The following KIF13B variants were observed in gnomAD, a reference collection of about 807,000 sequenced individuals.
KIF13B encodes the protein kinesin-like protein KIF13B.
In KIF13B, 127 loss-of-function variants were observed where a neutral mutation model predicts 222.0. The ratio of observed to expected loss-of-function variants is 0.57; its 90% CI spans 0.50 to 0.66. The LOEUF (loss-of-function observed/expected upper bound fraction) is 0.66. KIF13B is among the 30% of genes least tolerant of loss of function. KIF13B has a pLI of 0.00. For missense variants in KIF13B, 2,173 were observed against 2,379.0 expected (o/e 0.91, Z 1.80); for synonymous variants, 976 against 919.0 (o/e 1.06, Z -1.12).
At chr8:29,161,943 T>A (rs1032141897) in intron 12 of KIF13B, among the ~76,000 whole-genome samples, 1 of 152,086 alleles carries the variant, frequency 6.6e-6, no homozygotes, top group Non-Finnish European at 1.5e-5. Flanking sequence ...ACTCAAAACA[T>A]CAGTGTGGTG....
chr8:29,242,084 T>G (rs1815806934), intron 2 of KIF13B, among the ~76,000 whole-genome samples: 1 of 152,192 alleles, frequency 6.6e-6, no homozygotes, highest in Non-Finnish European at 1.5e-5. Flanking sequence ...AGGCAATGTT[T>G]TAAGTATACC....
chr8:29,071,771 A>G lies in KIF13B; in HGVS notation c.5067T>C (p.Ser1689=), dbSNP rs967919767. Residue 1689 remains serine, a synonymous_variant, in exon 39 of 40, where the codon TCT becomes TCC. Coordinates refer to ENST00000524189, the MANE Select transcript of KIF13B (RefSeq NM_015254.4). The surrounding 1 kb of genome is among the most constrained non-coding windows in gnomAD (Gnocchi z 4.9). Reference sequence around the variant, plus strand: ...GGACCTCGTCAGCTTCCTCGGAATCAGAGGCCAGGGCCTGTCCCCCGGCGC... The same window carrying G: ...GGACCTCGTCAGCTTCCTCGGAATCGGAGGCCAGGGCCTGTCCCCCGGCGC... ...APGAGGQALA[S]DSEEADEVPE... is the part of the protein sequence containing the mutation. 2.6e-5 allele frequency: 40 copies of G among 1,549,018 alleles called. No individual in the cohort carries two copies. Among genetic ancestry groups the G allele is most frequent in the Non-Finnish European group, 2.9e-5 (33 of 1,146,610 alleles).
At chr8:29,151,952 C>T (rs533233273) in intron 14 of KIF13B, among the ~76,000 whole-genome samples, 68 of 152,248 alleles carry the variant, frequency 4.5e-4, no homozygotes, top group African/African-American at 1.5e-3. Context: ...GGAAAGGATT[C>T]GCCATTCTAA....
chr8:29,090,248 C>A (rs1808233325), intron 37 of KIF13B, among the ~76,000 whole-genome samples: 2 of 152,168 alleles, frequency 1.3e-5, no homozygotes, highest in African/African-American at 4.8e-5. Context: ...GTGGGAGACA[C>A]TGGAAGGTGT....
chr8:29,227,906 G>A (rs1189307979), intron 2 of KIF13B, among the ~76,000 whole-genome samples: 2 of 152,042 alleles, frequency 1.3e-5, no homozygotes, highest in Non-Finnish European at 2.9e-5. Flanking sequence ...AGCCATGATA[G>A]TGCCACTGCA....
At chr8:29,169,762 A>G (rs1812156481) in intron 10 of KIF13B, among the ~76,000 whole-genome samples, 1 of 152,242 alleles carries the variant, frequency 6.6e-6, no homozygotes, top group South Asian at 2.1e-4. Context: ...AAATTCATGA[A>G]GAGTCCCATG....
intron 2 of KIF13B, among the ~76,000 whole-genome samples, chr8:29,239,726 G>A (rs185818347): frequency 7.9e-5 from 12 of 152,250 alleles, no homozygotes; most frequent in East Asian, 1.9e-4. Flanking sequence ...GCGGTGGCAC[G>A]ATCTTGGCTA....
intron 3 of KIF13B, among the ~76,000 whole-genome samples, chr8:29,192,978 G>A (rs2130360953): frequency 6.6e-6 from 1 of 152,270 alleles, no homozygotes; most frequent in African/African-American, 2.4e-5. Context: ...GCAGTTCTGG[G>A]AGGTACCAGA....
chr8:29,173,974 A>T (rs1353563555), intron 10 of KIF13B, among the ~76,000 whole-genome samples: 1 of 152,074 alleles, frequency 6.6e-6, no homozygotes, highest in Non-Finnish European at 1.5e-5. Flanking sequence ...TTGGTAATGA[A>T]ACGATTTAAA....
chr8:29,187,897 G>T (rs1813011627), intron 5 of KIF13B, among the ~76,000 whole-genome samples: 2 of 152,202 alleles, frequency 1.3e-5, no homozygotes, highest in African/African-American at 2.4e-5. Context: ...GAAGGGCAGA[G>T]AGGTTAAGTA....
chr8:29,197,416 G>A (rs1244060743), intron 2 of KIF13B, among the ~76,000 whole-genome samples: 1 of 151,298 alleles, frequency 6.6e-6, no homozygotes, highest in East Asian at 1.9e-4. Context: ...AGAGAAAAGT[G>A]GTAAAAAGTA....
intron 2 of KIF13B, among the ~76,000 whole-genome samples, chr8:29,244,829 C>T (rs1184768499): frequency 1.3e-5 from 2 of 152,142 alleles, no homozygotes; most frequent in African/African-American, 2.4e-5. Flanking sequence ...CCCCCAAAGA[C>T]ATTAAAATCC....
intron 2 of KIF13B, among the ~76,000 whole-genome samples, chr8:29,201,659 A>G (rs183292930): frequency 6.9e-4 from 105 of 152,332 alleles, no homozygotes; most frequent in African/African-American, 2.5e-3. Context: ...AGTTGCTGAA[A>G]TCTTCACAAC....
chr8:29,096,404 A>T (rs1808533030), intron 36 of KIF13B, among the ~76,000 whole-genome samples: 1 of 147,860 alleles, frequency 6.8e-6, no homozygotes, highest in African/African-American at 2.5e-5. Flanking sequence ...GGTTCAGGTA[A>T]TTCTCCCACT....
intron 3 of KIF13B, among the ~76,000 whole-genome samples, chr8:29,194,221 T>G (rs2130368975): frequency 6.6e-6 from 1 of 151,938 alleles, no homozygotes; most frequent in African/African-American, 2.4e-5. Context: ...AACCCACAGA[T>G]ACAGAAGGCC....
intron 15 of KIF13B, among the ~76,000 whole-genome samples, chr8:29,149,569 T>A (rs1261807977): frequency 6.6e-6 from 1 of 152,188 alleles, no homozygotes; most frequent in African/African-American, 2.4e-5. Flanking sequence ...AGAGGCAAAT[T>A]CTAGCAAAGG....
At chr8:29,232,179 C>T (rs1266438622) in intron 2 of KIF13B, among the ~76,000 whole-genome samples, 2 of 151,880 alleles carry the variant, frequency 1.3e-5, no homozygotes, top group East Asian at 3.9e-4. Flanking sequence ...ATCCCTTGAA[C>T]CTGGAAAGGT....
chr8:29,214,063 C>G (rs890619337), intron 2 of KIF13B, among the ~76,000 whole-genome samples: 2 of 152,184 alleles, frequency 1.3e-5, no homozygotes, highest in Non-Finnish European at 2.9e-5. Context: ...ATGCAGTTTG[C>G]AGGACTGGCC....
intron 3 of KIF13B, among the ~76,000 whole-genome samples, 159 bp from the exon 4 acceptor site, chr8:29,191,216 T>G (rs566960017): frequency 3.3e-5 from 5 of 152,324 alleles, no homozygotes; most frequent in Non-Finnish European, 5.9e-5. Flanking sequence ...CTAAACATGC[T>G]ATAGGTGATA....
Sources: gnomAD v4.1 joint callset for allele counts (sites outside exome capture counted in the v4.1 genomes callset) on GRCh38, gnomAD v4.1.1 for gene constraint, Gnocchi (gnomAD v3.1) non-coding constraint, MANE v1.5 for transcripts, NCBI Gene and HGNC (gene_info 2026-07-23, HGNC 2026-07-21) for gene names.